Variants in LMX1A observed in about 807,000 individuals in gnomAD.
LMX1A encodes LIM homeobox transcription factor 1-alpha.
Under a neutral mutation model 49.1 loss-of-function variants are expected in LMX1A, and 15 were observed. The ratio of observed to expected loss-of-function variants is 0.31; its 90% CI spans 0.20 to 0.47. The LOEUF (loss-of-function observed/expected upper bound fraction) is 0.47, where lower values mean the gene tolerates loss of function less well. LMX1A is among the 20% of genes least tolerant of loss of function. LMX1A has a pLI of 1.00. For missense variants in LMX1A, 372 were observed against 475.8 expected, an observed-to-expected ratio of 0.78 and a Z score of 2.03; for synonymous variants, 167 against 185.7, an observed-to-expected ratio of 0.90 and a Z score of 0.82.
chr1:165,290,214 G>C (rs1448867238), intron 3 of LMX1A, among the ~76,000 whole-genome samples: 1 of 152,168 alleles, frequency 6.6e-6, no homozygotes, highest in Non-Finnish European at 1.5e-5. Context: ...CCTGACAATT[G>C]GTGGCTTAAA....
At chr1:165,351,209 T>C (rs1656417944) in intron 3 of LMX1A, among the ~76,000 whole-genome samples, 1 of 152,028 alleles carries the variant, frequency 6.6e-6, no homozygotes, top group African/African-American at 2.4e-5. Flanking sequence ...ACAACCCAAA[T>C]CCTTTCCTAA....
intron 3 of LMX1A, among the ~76,000 whole-genome samples, chr1:165,277,203 G>A (rs904166888): frequency 1.3e-5 from 2 of 152,190 alleles, no homozygotes; most frequent in Non-Finnish European, 2.9e-5. Context: ...TTACTGGGCT[G>A]GTGGAACTGC....
At chr1:165,246,998 C>T (rs1277856363) in intron 4 of LMX1A, among the ~76,000 whole-genome samples, 1 of 138,368 alleles carries the variant, frequency 7.2e-6, no homozygotes, top group Non-Finnish European at 1.5e-5. Context: ...TTCCCTGGTA[C>T]TGAGCATTAT....
chr1:165,286,051 A>T (rs1444823223), intron 3 of LMX1A, among the ~76,000 whole-genome samples: 1 of 152,176 alleles, frequency 6.6e-6, no homozygotes, highest in Non-Finnish European at 1.5e-5. Context: ...TACAGGGGGA[A>T]GTGGAATTGG....
chr1:165,265,475 A>C (rs1653594369), intron 3 of LMX1A, among the ~76,000 whole-genome samples: 1 of 152,168 alleles, frequency 6.6e-6, no homozygotes, highest in Admixed American at 6.5e-5. Context: ...GCTCTTGTGG[A>C]GTTCCCTTTC....
chr1:165,246,827 C>T (rs1322546585), intron 4 of LMX1A, among the ~76,000 whole-genome samples: 1 of 152,172 alleles, frequency 6.6e-6, no homozygotes. Context: ...CATATTTTGA[C>T]TCTGTGCCTG....
In LMX1A at chr1:165,355,372, G is replaced by T; in HGVS notation, c.76+112C>A. ...AGTGATGGGGCTCAATTTAGTGTAT[G>T]AAGAGGGGCGCTAGCTTCCCTATCG... is the stretch of plus-strand genomic sequence containing the variant. On this transcript the variant is annotated intron_variant, in intron 2 of 8. Transcript: ENST00000342310. This position sits in a 1 kb window ranked among gnomAD's most constrained non-coding sequence, Gnocchi z 4.7. The T allele has an allele frequency of 1.0e-6, 1 of 974,014 alleles. No homozygotes were observed. The highest frequency in any genetic ancestry group is 1.6e-6 in the Non-Finnish European group (1 of 631,658). The allele number at this position is 974,014 out of a possible 1,614,324, so 60.3% of individuals were successfully genotyped here.
At chr1:165,277,753 G>A (rs1166918016) in intron 3 of LMX1A, among the ~76,000 whole-genome samples, 1 of 152,162 alleles carries the variant, frequency 6.6e-6, no homozygotes, top group African/African-American at 2.4e-5. Flanking sequence ...AATGCCTGCT[G>A]CTAAAATAGC....
At chr1:165,218,999 A>C (rs1231712155) in intron 4 of LMX1A, 1 of 152,270 alleles carries the variant, frequency 6.6e-6, no homozygotes. Flanking sequence ...TTAAGTCTCC[A>C]CACACAGCCT....
In LMX1A at chr1:165,223,314, G is replaced by C. The variant is rs1504706; in HGVS notation, c.497-9501C>G. On this transcript the variant is annotated intron_variant, in intron 4 of 8. Coordinates refer to ENST00000342310, the MANE Select transcript of LMX1A (RefSeq NM_177398.4). The stretch of plus-strand genomic sequence containing the variant: ...TTTTTATTATGACTCTTGGCTGTTC[G>C]TGAACTTACCACATATCCCCACTGG... Among the ~76,000 whole-genome samples, 24 of 152,044 alleles carry C rather than the reference G, an allele frequency of 1.6e-4. No homozygotes were observed. In the East Asian group the frequency reaches 4.1e-3, roughly 26 times the overall value.
Position 165,302,026 on chromosome 1 carries a change from A to T in LMX1A, c.263+51050T>A, listed in dbSNP as rs191108653. Among the ~76,000 whole-genome samples, 70 of 152,290 alleles carry T rather than the reference A, an allele frequency of 4.6e-4. 1 individual carries two copies. In the East Asian group the frequency reaches 0.01, roughly 22 times the overall value. ...AACTGTAAGGCCTGAATTTTGCTCA[A>T]CCACAATTAAGTGACTTCCCCAAGT... is the stretch of plus-strand genomic sequence containing the variant. On this transcript the variant is annotated intron_variant, in intron 3 of 8. Coordinates refer to ENST00000342310, the MANE Select transcript of LMX1A (RefSeq NM_177398.4).
intron 3 of LMX1A, among the ~76,000 whole-genome samples, chr1:165,262,147 G>A (rs1244963757): frequency 6.6e-6 from 1 of 152,132 alleles, no homozygotes; most frequent in African/African-American, 2.4e-5. Context: ...ATGTTCCCAA[G>A]TGAAACTCTC....
At position 165,356,527 on chromosome 1, in the gene LMX1A, C is replaced by A. The variant is rs868068718; in HGVS notation, c.-195G>T. On this transcript the variant is annotated 5_prime_UTR_variant, in exon 1 of 9. Coordinates refer to ENST00000342310, the MANE Select transcript of LMX1A (RefSeq NM_177398.4). ...AACGCCGGCCGCTGGCTCTGCTCCT[C>A]GGCGCGCCCAGGCTGGGCCGGGACG... 2.6e-5 allele frequency: 4 copies of A among 152,118 alleles called. No homozygotes were observed. Among genetic ancestry groups the A allele is most frequent in the African/African-American group, 9.7e-5 (4 of 41,442 alleles). 9.4% of individuals were successfully genotyped at this position (152,118 alleles called of 1,614,324 possible).
In LMX1A at chr1:165,203,763, A is replaced by T. The variant is rs1650946231; in HGVS notation, c.*117T>A. 1.2e-6 allele frequency: 1 copy of T among 857,916 alleles called. No individual in the cohort carries two copies. The highest frequency in any genetic ancestry group is 1.7e-5 in the African/African-American group (1 of 59,270). 53.1% of individuals were successfully genotyped at this position (857,916 alleles called of 1,614,324 possible). On this transcript the variant is annotated 3_prime_UTR_variant, in exon 9 of 9. Coordinates refer to ENST00000342310, the MANE Select transcript of LMX1A (RefSeq NM_177398.4). ...ATATCATTATACAACAGCATCCCCA[A>T]CAAAACTCCCTCCCCAACCCACCTC...
intron 3 of LMX1A, among the ~76,000 whole-genome samples, chr1:165,269,676 A>T (rs1653736698): frequency 6.6e-6 from 1 of 152,232 alleles, no homozygotes; most frequent in Non-Finnish European, 1.5e-5. Flanking sequence ...GGATTAAAAA[A>T]CTGTGGTACA....
At chr1:165,327,221 G>T (rs1367233423) in intron 3 of LMX1A, among the ~76,000 whole-genome samples, 1 of 152,168 alleles carries the variant, frequency 6.6e-6, no homozygotes, top group Non-Finnish European at 1.5e-5. Context: ...AGGACTGTGG[G>T]AAAGGACCAC....
At chr1:165,297,943 T>C (rs1489530098) in intron 3 of LMX1A, among the ~76,000 whole-genome samples, 1 of 152,272 alleles carries the variant, frequency 6.6e-6, no homozygotes, top group Non-Finnish European at 1.5e-5. Flanking sequence ...GAGGCTTCAA[T>C]GTGACAATGT....
chr1:165,280,833 C>A (rs1654124451), intron 3 of LMX1A, among the ~76,000 whole-genome samples: 1 of 152,114 alleles, frequency 6.6e-6, no homozygotes. Context: ...CCACCCCACC[C>A]CCACCGCATG....
intron 4 of LMX1A, among the ~76,000 whole-genome samples, chr1:165,236,041 G>A (rs1234021684): frequency 2.0e-5 from 3 of 152,176 alleles, no homozygotes; most frequent in African/African-American, 4.8e-5. Flanking sequence ...GCTTCGCCCT[G>A]GACTAGACTG....
Sources: allele counts gnomAD v4.1 joint callset (sites outside exome capture counted in the v4.1 genomes callset), GRCh38; gene constraint gnomAD v4.1.1; non-coding constraint Gnocchi (gnomAD v3.1); transcripts MANE v1.5; gene names NCBI Gene and HGNC (gene_info 2026-07-23, HGNC 2026-07-21).